Variants in SNX24 observed in about 807,000 individuals in gnomAD.
The protein encoded by SNX24 is sorting nexin 24, also known as sorting nexin-24.
A neutral mutation model predicts 28.7 loss-of-function variants in SNX24; 22 were observed. The ratio of observed to expected loss-of-function variants is 0.77; its 90% confidence interval spans 0.55 to 1.10. The LOEUF is 1.10. SNX24 is among the 50% of genes least tolerant of loss of function. The pLI, the probability that SNX24 is intolerant of heterozygous loss-of-function variation, is 0.00. For synonymous variants in SNX24, 69 were observed against 71.5 expected (o/e 0.96, Z 0.18); for missense variants, 221 against 201.1 (o/e 1.10, Z -0.60).
At chr5:122,900,375 T>TA (rs1252276527) in intron 1 of SNX24, among the ~76,000 whole-genome samples, 1 of 152,156 alleles carries the variant, frequency 6.6e-6, no homozygotes. Flanking sequence ...ACGTTTTTTT[T>TA]AAAAAAATGA....
intron 5 of SNX24, chr5:123,023,803 A>G (rs1401011719): frequency 1.2e-5 from 15 of 1,237,888 alleles, no homozygotes; most frequent in Non-Finnish European, 1.6e-5. Context: ...TTGAAAGACA[A>G]CACAACACAC....
At chr5:122,935,881 T>C (rs1759159536) in intron 1 of SNX24, among the ~76,000 whole-genome samples, 2 of 152,228 alleles carry the variant, frequency 1.3e-5, no homozygotes, top group Non-Finnish European at 2.9e-5. Context: ...TTCCTTCATC[T>C]TAGTGTTTAT....
chr5:122,951,090 A>G (rs1488805077), intron 3 of SNX24, among the ~76,000 whole-genome samples: 3 of 151,838 alleles, frequency 2.0e-5, no homozygotes, highest in Non-Finnish European at 2.9e-5. Context: ...ACACGGTGAA[A>G]CCCCATCTCT....
At chr5:122,977,904 A>G (rs1761236163) in intron 3 of SNX24, among the ~76,000 whole-genome samples, 1 of 152,174 alleles carries the variant, frequency 6.6e-6, no homozygotes, top group African/African-American at 2.4e-5. Context: ...CTGTTTCATA[A>G]TGGAGAACTT....
chr5:122,845,766 G>GGCC (rs987542368), intron 1 of SNX24, 73 bp downstream of exon 1: 5 of 918,890 alleles, frequency 5.4e-6, no homozygotes, highest in South Asian at 4.2e-5. Context: ...AAACACCCTT[G>GGCC]GCCGCCGCCG....
intron 1 of SNX24, among the ~76,000 whole-genome samples, chr5:122,930,737 T>A (rs1758915415): frequency 6.6e-6 from 1 of 152,240 alleles, no homozygotes; most frequent in Admixed American, 6.5e-5. Flanking sequence ...TCCATGATCT[T>A]CCTGACGTTC....
intron 1 of SNX24, among the ~76,000 whole-genome samples, chr5:122,895,090 G>C (rs1647171116): frequency 6.7e-6 from 1 of 149,650 alleles, no homozygotes; most frequent in African/African-American, 2.5e-5. Context: ...GTATTATTCA[G>C]CCAAAACAGT....
chr5:122,903,485 G>A (rs1757525297), intron 1 of SNX24, among the ~76,000 whole-genome samples: 2 of 152,150 alleles, frequency 1.3e-5, no homozygotes, highest in Admixed American at 1.3e-4. Flanking sequence ...TTTGGCCAGT[G>A]AACAGGTCTT....
chr5:122,891,237 CTATT>C, intron 1 of SNX24: 1 of 1,044,932 alleles, frequency 9.6e-7, no homozygotes, highest in East Asian at 2.9e-5. Flanking sequence ...TTTAAAGTGC[CTATT>C]TATTCTAATA....
At chr5:122,950,540 C>G (rs2150128873) in intron 3 of SNX24, among the ~76,000 whole-genome samples, 1 of 152,348 alleles carries the variant, frequency 6.6e-6, no homozygotes, top group Non-Finnish European at 1.5e-5. Context: ...ACCTCACCTA[C>G]TCTTAGCACA....
intron 1 of SNX24, among the ~76,000 whole-genome samples, chr5:122,923,990 A>G (rs1561603607): frequency 6.6e-6 from 1 of 152,240 alleles, no homozygotes; most frequent in Non-Finnish European, 1.5e-5. Flanking sequence ...ATAGCATATC[A>G]TAGTACTTCA....
chr5:122,870,288 G>A (rs559924879), intron 1 of SNX24, among the ~76,000 whole-genome samples: 9 of 152,236 alleles, frequency 5.9e-5, no homozygotes, highest in Admixed American at 5.2e-4. Flanking sequence ...TGCATCCCGA[G>A]GAGCTGTAAG....
intron 1 of SNX24, among the ~76,000 whole-genome samples, chr5:122,916,183 AAC>A (rs781118745): frequency 2.0e-5 from 3 of 152,248 alleles, no homozygotes; most frequent in Non-Finnish European, 2.9e-5. Flanking sequence ...ATTAAGACAA[AAC>A]ACACAGACTT....
At position 123,008,596 on chromosome 5, in the gene SNX24, A is replaced by T. The variant is rs1561732222; in HGVS notation, c.*847A>T. 1 of 154,888 alleles carries T rather than the reference A, an allele frequency of 6.5e-6. No homozygotes were observed. Among genetic ancestry groups the T allele is most frequent in the Non-Finnish European group, 1.4e-5 (1 of 71,168 alleles). The allele number at this position is 154,888 out of a possible 1,614,324, so 9.6% of individuals were successfully genotyped here. On this transcript the variant is annotated 3_prime_UTR_variant, in exon 7 of 7. Transcript: ENST00000261369. ...AAAAGCACATAACTTTTAACACTAGAATCAGCCCGCAAGATGCTTGCCCCG... is the reference window on the plus strand; with the variant it reads ...AAAAGCACATAACTTTTAACACTAGTATCAGCCCGCAAGATGCTTGCCCCG...
chr5:122,974,920 A>G (rs1207050871), intron 3 of SNX24, among the ~76,000 whole-genome samples: 1 of 152,204 alleles, frequency 6.6e-6, no homozygotes, highest in Non-Finnish European at 1.5e-5. Context: ...GTCTATACCA[A>G]TTCTGCATTC....
At chr5:122,990,832 G>A (rs1016491181) in intron 3 of SNX24, among the ~76,000 whole-genome samples, 8 of 152,082 alleles carry the variant, frequency 5.3e-5, no homozygotes, top group South Asian at 4.1e-4. Flanking sequence ...ATTAAATACC[G>A]TAGTCTCCTG....
At chr5:122,918,800 A>C (rs1758295580) in intron 1 of SNX24, among the ~76,000 whole-genome samples, 1 of 152,240 alleles carries the variant, frequency 6.6e-6, no homozygotes, top group Non-Finnish European at 1.5e-5. Flanking sequence ...TGTGGCCTTT[A>C]TGAAATGTAG....
At chr5:122,928,077 C>T (rs1476697515) in intron 1 of SNX24, among the ~76,000 whole-genome samples, 3 of 152,166 alleles carry the variant, frequency 2.0e-5, no homozygotes, top group East Asian at 1.9e-4. Context: ...ATGCAGTCAT[C>T]AGCTTATCCT....
chr5:122,963,175 A>C (rs1001102911), intron 3 of SNX24, among the ~76,000 whole-genome samples: 2 of 152,236 alleles, frequency 1.3e-5, no homozygotes. Flanking sequence ...CACAAGTTGC[A>C]ATGAGCCGAG....
Sources: allele counts gnomAD v4.1 joint callset (sites outside exome capture counted in the v4.1 genomes callset), GRCh38; gene constraint gnomAD v4.1.1; transcripts MANE v1.5; gene names NCBI Gene and HGNC (gene_info 2026-07-23, HGNC 2026-07-21).